The following PNPT1 variants were observed in gnomAD, a reference collection of about 807,000 sequenced individuals.
PNPT1 encodes the protein polyribonucleotide nucleotidyltransferase 1, mitochondrial.
In PNPT1, 53 loss-of-function variants were observed where a neutral mutation model predicts 119.5. The observed-to-expected ratio is 0.44, with a 90% confidence interval of 0.36 to 0.56. PNPT1 has a LOEUF of 0.56. Among genes scored for constraint, PNPT1 ranks in the 20% least tolerant of loss-of-function variants. The pLI is 0.00. For synonymous variants in PNPT1, 357 were observed against 322.1 expected (o/e 1.11, Z -1.16); for missense variants, 948 against 938.5 (o/e 1.01, Z -0.13).
At chr2:55,656,503 T>A in intron 15 of PNPT1, 132 bp from the exon 16 acceptor site, 1 of 770,364 alleles carries the variant, frequency 1.3e-6, no homozygotes, top group Non-Finnish European at 2.0e-6. Flanking sequence ...AGTACATTCA[T>A]AAATATACAG....
At position 55,644,626 on chromosome 2, in the gene PNPT1, A is replaced by AAT. The variant is rs754397260; in HGVS notation, c.1906+10_1906+11insAT. On this transcript the variant is annotated intron_variant, in intron 23 of 27. Transcript: ENST00000447944. Reference sequence around the variant, plus strand: ...TTAATTAAAAAACCCCAAACTTCATACAACTCTTACCTGTTTCAGCCTGAA... The same window carrying AAT: ...TTAATTAAAAAACCCCAAACTTCATAATCAACTCTTACCTGTTTCAGCCTGAA... The AAT allele has an allele frequency of 6.5e-5, 103 of 1,587,338 alleles. No homozygotes were observed. In the African/African-American group the frequency reaches 8.9e-4, roughly 14 times the overall value.
intron 19 of PNPT1, 77 bp downstream of exon 19, chr2:55,647,268 ATT>A (rs1293645392): frequency 4.3e-6 from 5 of 1,165,604 alleles, no homozygotes; most frequent in African/African-American, 1.6e-5. Flanking sequence ...CTTCACCATT[ATT>A]TGTTTTTATC....
intron 12 of PNPT1, 68 bp from the exon 13 acceptor site, chr2:55,667,161 C>A: frequency 8.1e-7 from 1 of 1,236,670 alleles, no homozygotes; most frequent in South Asian, 1.3e-5. Context: ...GTCTTTATCT[C>A]TCCCAGGAAG....
At position 55,672,919 on chromosome 2, in the gene PNPT1, C is replaced by T. The variant is rs202182599; in HGVS notation, c.840G>A (p.Ser280=). The T allele has an allele frequency of 2.4e-5, 39 of 1,605,540 alleles. 1 individual carries two copies. Among genetic ancestry groups the T allele is most frequent in the South Asian group, 1.8e-4 (16 of 88,900 alleles). Residue 280 remains serine (S), a synonymous_variant, in exon 9 of 28, where the codon TCG becomes TCA. Transcript: ENST00000447944. ...TATGAGTATATTTCACAATCTCTGG[C>T]GAAGGGGTAAATAACTTCTGAGGTG... ...KRTPQKLFTP[S]PEIVKYTHKL...
rs149967280 is a variant in PNPT1, at chr2:55,675,453, G to T, written c.680-2374C>A. ...TGGTAAAATTTAAAAAATAGAATAT[G>T]ACAAAGAAAAATGGATACCCCCCAA... On this transcript the variant is annotated intron_variant, in intron 8 of 27. Transcript: ENST00000447944. 1.8e-3 allele frequency among the ~76,000 whole-genome samples: 280 copies of T among 152,200 alleles called. 2 individuals are homozygous for T. Among genetic ancestry groups the T allele is most frequent in the African/African-American group, 6.1e-3 (252 of 41,544 alleles).
intron 15 of PNPT1, among the ~76,000 whole-genome samples, chr2:55,658,040 C>A (rs1466385551): frequency 6.6e-6 from 1 of 151,720 alleles, no homozygotes; most frequent in African/African-American, 2.4e-5. Context: ...GAGTTTGAGA[C>A]CAGCCTGGAC....
chr2:55,674,490 G>A (rs1342098190), intron 8 of PNPT1, among the ~76,000 whole-genome samples: 1 of 152,144 alleles, frequency 6.6e-6, no homozygotes, highest in East Asian at 1.9e-4. Flanking sequence ...CTACTCAGGA[G>A]GCTGAGGCAT....
In PNPT1 at chr2:55,634,854, C is replaced by A. The variant is rs1486221383; in HGVS notation, c.*1383G>T. Reference sequence around the variant, plus strand: ...TACAGGTGTGAGCCACCATGCCTGGCCAGATATACCTACATTTTTATAAGA... The same window carrying A: ...TACAGGTGTGAGCCACCATGCCTGGACAGATATACCTACATTTTTATAAGA... On this transcript the variant is annotated 3_prime_UTR_variant, in exon 28 of 28. Coordinates refer to ENST00000447944, the MANE Select transcript of PNPT1 (RefSeq NM_033109.5). 6.6e-6 allele frequency: 1 copy of A among 151,916 alleles called. No homozygotes were observed. Among genetic ancestry groups the A allele is most frequent in the African/African-American group, 2.4e-5 (1 of 41,322 alleles). The allele number at this position is 151,916 out of a possible 1,614,324, so 9.4% of individuals were successfully genotyped here. A position where few individuals can be genotyped will look rare whatever the true frequency, so the allele number is the denominator to read the frequency against.
chr2:55,664,955 G>A (rs547414393), intron 13 of PNPT1, among the ~76,000 whole-genome samples: 5 of 152,114 alleles, frequency 3.3e-5, no homozygotes, highest in African/African-American at 1.2e-4. Flanking sequence ...TTGAGAACTT[G>A]ATATAATACT....
chr2:55,679,183 TCAATG>T (rs1697173073), intron 8 of PNPT1, among the ~76,000 whole-genome samples: 1 of 152,200 alleles, frequency 6.6e-6, no homozygotes, highest in Admixed American at 6.5e-5. Flanking sequence ...TGGCCCATGG[TCAATG>T]CATTTCTTCT....
intron 21 of PNPT1, 135 bp from the exon 22 acceptor site, chr2:55,645,567 G>A (rs1695970800): frequency 1.8e-6 from 1 of 558,340 alleles, no homozygotes. Flanking sequence ...CTATTACCTT[G>A]AAAATTCACT....
chr2:55,670,376 C>T (rs578023809), intron 11 of PNPT1, among the ~76,000 whole-genome samples: 1 of 151,892 alleles, frequency 6.6e-6, no homozygotes, highest in Non-Finnish European at 1.5e-5. Context: ...TTAGTAGAGA[C>T]AGGGTTTCAC....
chr2:55,672,647 T>G (rs1263399897), intron 9 of PNPT1, among the ~76,000 whole-genome samples: 1 of 152,216 alleles, frequency 6.6e-6, no homozygotes. Context: ...AGAGATGTGG[T>G]GCTTACCTGA....
At chr2:55,645,896 C>A (rs1695986264) in intron 21 of PNPT1, among the ~76,000 whole-genome samples, 1 of 152,040 alleles carries the variant, frequency 6.6e-6, no homozygotes, top group South Asian at 2.1e-4. Flanking sequence ...GGCATGATCT[C>A]GGCTCACTGT....
intron 8 of PNPT1, among the ~76,000 whole-genome samples, chr2:55,675,316 T>C (rs936527019): frequency 6.7e-6 from 1 of 149,172 alleles, no homozygotes; most frequent in African/African-American, 2.5e-5. Flanking sequence ...TGGCTGGGCA[T>C]GGGGCTCATG....
intron 3 of PNPT1, 149 bp downstream of exon 3, chr2:55,686,221 C>T (rs949346082): frequency 9.1e-6 from 6 of 662,350 alleles, no homozygotes; most frequent in Admixed American, 6.6e-5. Context: ...AGTTTATACT[C>T]TTTTAATGAA....
At chr2:55,687,981 C>T (rs1041674434) in intron 1 of PNPT1, among the ~76,000 whole-genome samples, 1 of 151,868 alleles carries the variant, frequency 6.6e-6, no homozygotes, top group Non-Finnish European at 1.5e-5. Context: ...TGTTAATTCC[C>T]ATGTACCATC....
chr2:55,647,494 T>C, intron 18 of PNPT1, 41 bp from the exon 19 acceptor site: 2 of 1,459,264 alleles, frequency 1.4e-6, no homozygotes. Flanking sequence ...AATGTGTACA[T>C]GAGCCTAAAA....
At chr2:55,686,289 C>G in intron 3 of PNPT1, 81 bp downstream of exon 3, 1 of 1,334,500 alleles carries the variant, frequency 7.5e-7, no homozygotes, top group Non-Finnish European at 1.0e-6. Context: ...TTTCCACTCA[C>G]TAGACACTGG....
Sources: gnomAD v4.1 joint callset for allele counts (sites outside exome capture counted in the v4.1 genomes callset) on GRCh38, gnomAD v4.1.1 for gene constraint, MANE v1.5 for transcripts, NCBI Gene and HGNC (gene_info 2026-07-23, HGNC 2026-07-21) for gene names.